Variants in DCC observed in about 807,000 individuals in gnomAD.
The protein encoded by DCC is netrin receptor DCC.
In DCC, 58 loss-of-function variants were observed where a neutral mutation model predicts 172.5. The ratio of observed to expected loss-of-function variants is 0.34; its 90% confidence interval spans 0.27 to 0.42. The LOEUF (loss-of-function observed/expected upper bound fraction) is 0.42. Ranked by LOEUF, DCC falls within the 10% of genes least tolerant of loss-of-function variation. The pLI, the probability that DCC is intolerant of heterozygous loss-of-function variation, is 1.00. For missense variants in DCC, 1,740 were observed against 1,791.0 expected, an observed-to-expected ratio of 0.97 and a Z score of 0.51; for synonymous variants, 709 against 644.5, an observed-to-expected ratio of 1.10 and a Z score of -1.52.
chr18:52,596,505 C>T (rs2033912935), intron 1 of DCC, among the ~76,000 whole-genome samples: 1 of 152,064 alleles, frequency 6.6e-6, no homozygotes, highest in African/African-American at 2.4e-5. Flanking sequence ...ATTTTAGGGC[C>T]CCACCCCACA....
intron 3 of DCC, among the ~76,000 whole-genome samples, chr18:52,911,188 A>G (rs1434540964): frequency 1.3e-5 from 2 of 152,098 alleles, no homozygotes; most frequent in Non-Finnish European, 2.9e-5. Context: ...CACTTTCTTC[A>G]CTTTTAAAAT....
At chr18:52,927,285 A>G (rs1040853214) in intron 5 of DCC, among the ~76,000 whole-genome samples, 50 of 150,390 alleles carry the variant, frequency 3.3e-4, no homozygotes, top group African/African-American at 1.1e-3. Flanking sequence ...ATATGTGTGT[A>G]TATATGTATT....
chr18:52,925,509 G>C (rs1237996639), intron 5 of DCC, 139 bp downstream of exon 5: 2 of 857,330 alleles, frequency 2.3e-6, no homozygotes, highest in Middle Eastern at 2.2e-4. Context: ...ACATGTCCTT[G>C]CTTTGCTCTG....
chr18:53,469,549 CA>C (rs773668484), intron 25 of DCC, among the ~76,000 whole-genome samples: 2 of 152,114 alleles, frequency 1.3e-5, no homozygotes, highest in Non-Finnish European at 2.9e-5. Context: ...GTCCTTCCAT[CA>C]AATCTAATTG....
chr18:52,483,853 C>T (rs1203150043), intron 1 of DCC, among the ~76,000 whole-genome samples: 4 of 151,886 alleles, frequency 2.6e-5, no homozygotes, highest in Admixed American at 2.6e-4. Context: ...GTTGGATTTT[C>T]TAGTATTGTT....
intron 2 of DCC, among the ~76,000 whole-genome samples, chr18:52,835,882 A>G (rs1468134833): frequency 1.3e-5 from 2 of 152,234 alleles, no homozygotes; most frequent in Non-Finnish European, 2.9e-5. Context: ...ACCATGAGAA[A>G]AAATAAAATT....
intron 12 of DCC, among the ~76,000 whole-genome samples, chr18:53,254,590 G>C (rs16956425): frequency 0.046 from 6,931 of 151,978 alleles, 536 homozygotes; most frequent in African/African-American, 0.16. Flanking sequence ...TTAATCAGGG[G>C]TGTGACACTC....
At chr18:52,731,654 T>C (rs1243738747) in intron 1 of DCC, among the ~76,000 whole-genome samples, 2 of 152,162 alleles carry the variant, frequency 1.3e-5, no homozygotes, top group Non-Finnish European at 2.9e-5. Context: ...TTCATGACAT[T>C]ATTTGAGGTG....
At position 52,685,115 on chromosome 18, in the gene DCC, C is replaced by G. The variant is rs561509691; in HGVS notation, c.92-66939C>G. ...ATAATATTGTCTGTATGTTCCAACA[C>G]AATAGAATTGAACATGTTCATGTCT... On this transcript the variant is annotated intron_variant, in intron 1 of 28. Coordinates refer to ENST00000442544, the MANE Select transcript of DCC (RefSeq NM_005215.4). Among the ~76,000 whole-genome samples, 4 of 152,172 alleles carry G rather than the reference C, an allele frequency of 2.6e-5. No individual in the cohort carries two copies. In the South Asian group the frequency reaches 8.3e-4, roughly 32 times the overall value.
At chr18:52,484,815 GA>G (rs33941491) in intron 1 of DCC, among the ~76,000 whole-genome samples, 5,511 of 136,234 alleles carry the variant, frequency 0.04, 290 homozygotes, top group African/African-American at 0.12. Context: ...TTTTAAAAAG[GA>G]AAAAAAAAAA....
intron 5 of DCC, among the ~76,000 whole-genome samples, chr18:52,955,047 T>C (rs1223550870): frequency 6.6e-6 from 1 of 152,164 alleles, no homozygotes; most frequent in Non-Finnish European, 1.5e-5. Flanking sequence ...TAAACCTATA[T>C]TGAGACATGA....
At chr18:52,689,238 A>C (rs921913231) in intron 1 of DCC, among the ~76,000 whole-genome samples, 1 of 152,170 alleles carries the variant, frequency 6.6e-6, no homozygotes, top group Non-Finnish European at 1.5e-5. Flanking sequence ...GAAAGAAGCA[A>C]GAAAGTTCAT....
chr18:52,366,481 C>T (rs992452101), intron 1 of DCC, among the ~76,000 whole-genome samples: 4 of 152,090 alleles, frequency 2.6e-5, no homozygotes, highest in Non-Finnish European at 5.9e-5. Context: ...CTGATTGGTG[C>T]GTTTACAATC....
intron 23 of DCC, 53 bp from the exon 24 acceptor site, chr18:53,459,179 G>A: frequency 7.5e-7 from 1 of 1,339,484 alleles, no homozygotes; most frequent in South Asian, 1.2e-5. Flanking sequence ...TGAAAGAAAG[G>A]AAGTGCCATT....
At chr18:52,774,335 C>G (rs1416450911) in intron 2 of DCC, among the ~76,000 whole-genome samples, 1 of 152,104 alleles carries the variant, frequency 6.6e-6, no homozygotes, top group East Asian at 1.9e-4. Context: ...ATGTGGCCGG[C>G]TGAATGTTGA....
chr18:52,748,820 G>C (rs1401381123), intron 1 of DCC, among the ~76,000 whole-genome samples: 1 of 152,210 alleles, frequency 6.6e-6, no homozygotes, highest in African/African-American at 2.4e-5. Context: ...AGGTGTGGCT[G>C]AGTCTGGAGT....
intron 3 of DCC, among the ~76,000 whole-genome samples, chr18:52,921,429 T>G (rs1301380821): frequency 2.6e-5 from 4 of 152,134 alleles, no homozygotes; most frequent in Non-Finnish European, 5.9e-5. Context: ...CTGGGCTTGG[T>G]GGCTCACGCC....
intron 1 of DCC, among the ~76,000 whole-genome samples, chr18:52,653,933 T>G (rs1408136764): frequency 3.3e-5 from 5 of 152,170 alleles, no homozygotes; most frequent in African/African-American, 1.2e-4. Flanking sequence ...GCCTTTGTAT[T>G]TATTCTTTCT....
At chr18:52,343,021 G>A (rs778310005) in intron 1 of DCC, among the ~76,000 whole-genome samples, 5 of 152,234 alleles carry the variant, frequency 3.3e-5, no homozygotes, top group Non-Finnish European at 2.9e-5. Flanking sequence ...CATGGGTTAT[G>A]TTGGTGGATA....
Sources: allele counts gnomAD v4.1 joint callset (sites outside exome capture counted in the v4.1 genomes callset), GRCh38; gene constraint gnomAD v4.1.1; transcripts MANE v1.5; gene names NCBI Gene and HGNC (gene_info 2026-07-23, HGNC 2026-07-21).